FRMPD3: variants seen among roughly 807,000 people sequenced by gnomAD.
FRMPD3 encodes FERM and PDZ domain containing 3.
FRMPD3 carries 42 observed loss-of-function variants against 97.9 expected under a neutral mutation model. That is an observed-to-expected ratio of 0.43 (90% confidence interval 0.34 to 0.55). FRMPD3 has a LOEUF of 0.55. Among genes scored for constraint, FRMPD3 ranks in the 20% least tolerant of loss-of-function variants. FRMPD3 has a pLI of 0.03. For synonymous variants in FRMPD3, 577 were observed against 581.1 expected (o/e 0.99, Z 0.10); for missense variants, 1,303 against 1,457.7 (o/e 0.89, Z 1.73).
intron 1 of FRMPD3, among the ~76,000 whole-genome samples, chrX:107,500,673 T>C (rs955166065): frequency 3.6e-5 from 4 of 110,552 alleles, no homozygotes; most frequent in Admixed American, 9.6e-5. Flanking sequence ...CGGGCACCTG[T>C]AATCTCAGCT....
At chrX:107,556,474 TCTAA>T (rs1458477977) in intron 8 of FRMPD3, among the ~76,000 whole-genome samples, 1 of 111,435 alleles carries the variant, frequency 9.0e-6, no homozygotes, top group Admixed American at 9.5e-5. Flanking sequence ...TTTATTGAGG[TCTAA>T]CTGACAAAAG....
intron 8 of FRMPD3, 142 bp downstream of exon 8, chrX:107,554,646 C>A: frequency 1.3e-6 from 1 of 791,948 alleles, no homozygotes; most frequent in Non-Finnish European, 1.8e-6. Flanking sequence ...TTTCTGCTAC[C>A]ATCGTAGGCC....
rs1195851030 is a variant in FRMPD3 at position 107,603,778 on chromosome X, C to T, written c.*405C>T. ...CTTTGAGCTCCTCGTGGCATCGGCT[C>T]CCCTGCTGGGAGCAGTGGCAGTAGC... On this transcript the variant is annotated 3_prime_UTR_variant, in exon 15 of 15. Coordinates refer to ENST00000683843, the MANE Select transcript of FRMPD3 (RefSeq NM_001388459.1). 7.4e-6 allele frequency: 1 copy of T among 134,874 alleles called. No individual in the cohort carries two copies. 11.1% of individuals were successfully genotyped at this position (134,874 alleles called of 1,213,427 possible). A position where few individuals can be genotyped will look rare whatever the true frequency, so the allele number is the denominator to read the frequency against.
rs1197636981 is a variant in FRMPD3 at position 107,601,537 on chromosome X, A to C, written c.3498A>C (p.Gln1166His). The C allele has an allele frequency of 8.5e-7, 1 of 1,181,540 alleles. No individual in the cohort carries two copies. Among genetic ancestry groups the C allele is most frequent in the Non-Finnish European group, 1.1e-6 (1 of 881,565 alleles). ...SQSRGQSPSC[Q>H]PRGQSPLRSQ... ...CTCGAGGTCAGAGCCCCAGCTGCCA[A>C]CCTCGAGGCCAGAGCCCACTGAGGT... Residue 1166 changes from glutamine to histidine, a missense_variant, in exon 15 of 15, where the codon CAA becomes CAC. By Grantham distance (24) the Gln-to-His change is conservative. Transcript: ENST00000683843.
intron 1 of FRMPD3, among the ~76,000 whole-genome samples, chrX:107,499,152 T>C (rs1287104965): frequency 9.0e-6 from 1 of 111,249 alleles, no homozygotes; most frequent in African/African-American, 3.3e-5. Context: ...ACTCACATTC[T>C]AGTGGAAGGT....
chrX:107,463,339 T>C (rs1017611563), intron 1 of FRMPD3, among the ~76,000 whole-genome samples: 2 of 112,338 alleles, frequency 1.8e-5, no homozygotes, highest in African/African-American at 6.5e-5. Context: ...ATTTCTTCTT[T>C]GTTAGGGAAA....
chrX:107,546,460 C>G (rs776797346), intron 5 of FRMPD3, among the ~76,000 whole-genome samples: 1 of 112,061 alleles, frequency 8.9e-6, no homozygotes. Flanking sequence ...ACAAAATCTA[C>G]TACGGGGTGG....
Position 107,565,022 on chromosome X carries a change from A to G in FRMPD3, c.1252A>G (p.Asn418Asp). 8.3e-7 allele frequency: 1 copy of G among 1,203,444 alleles called. No individual in the cohort carries two copies. The highest frequency in any genetic ancestry group is 1.1e-6 in the Non-Finnish European group (1 of 891,607). The change falls in exon 12 of 15, where the codon AAC (asparagine) becomes GAC (aspartate). Residue 418 changes from asparagine (N) to aspartate (D), a missense_variant. Asn to Asp is a conservative substitution (Grantham distance 23, BLOSUM62 1). This residue lies in a region of FRMPD3 where 535 missense variants were observed against 618.6 expected (regional missense o/e 0.86). Transcript: ENST00000683843. ...KISKIQLFRE[N>D]QGVARVETSI... is the part of the protein sequence containing the mutation. ...CAGCAAGATCCAGCTGTTCCGGGAG[A>G]ACCAGGGCGTGGCCCGGGTGGAGAC...
intron 1 of FRMPD3, among the ~76,000 whole-genome samples, chrX:107,452,934 G>A (rs954459905): frequency 9.1e-6 from 1 of 109,858 alleles, no homozygotes; most frequent in Non-Finnish European, 1.9e-5. Flanking sequence ...GGTAACAGAG[G>A]AGTCTCGGGT....
At chrX:107,518,755 C>A (rs1661851343) in intron 1 of FRMPD3, among the ~76,000 whole-genome samples, 1 of 112,074 alleles carries the variant, frequency 8.9e-6, no homozygotes, top group African/African-American at 3.2e-5. Flanking sequence ...TGAAAGAATA[C>A]AGGGGCTGCA....
chrX:107,596,006 T>C (rs1924157343), intron 13 of FRMPD3, among the ~76,000 whole-genome samples: 1 of 111,376 alleles, frequency 9.0e-6, no homozygotes, highest in South Asian at 3.7e-4. Context: ...ACTACTGTTG[T>C]TGAATTGTGT....
chrX:107,569,294 CA>C (rs752263727), intron 12 of FRMPD3, among the ~76,000 whole-genome samples: 1,562 of 21,186 alleles, frequency 0.074, 16 homozygotes, highest in African/African-American at 0.15. Flanking sequence ...GACTCCATCT[CA>C]AAAAAAAAAA....
At position 107,548,946 on chromosome X, in the gene FRMPD3, A is replaced by G. The variant is rs149857647; in HGVS notation, c.403-1103A>G. Among the ~76,000 whole-genome samples the G allele has an allele frequency of 8.4e-3, 941 of 112,552 alleles. 10 individuals are homozygous for G. Among genetic ancestry groups the G allele is most frequent in the African/African-American group, 0.028 (880 of 31,063 alleles). The stretch of plus-strand genomic sequence containing the variant: ...AAAGACCAGGTCCAAGTATCTGATG[A>G]TATTAGACCAAGGCTTTACAGAATA... On this transcript the variant is annotated intron_variant, in intron 5 of 14. Coordinates refer to ENST00000683843, the MANE Select transcript of FRMPD3 (RefSeq NM_001388459.1).
At chrX:107,530,360 T>A (rs1922885297) in intron 2 of FRMPD3, 49 bp from the exon 3 acceptor site, 1 of 1,051,061 alleles carries the variant, frequency 9.5e-7, no homozygotes, top group East Asian at 3.3e-5. Context: ...GACCTGGACT[T>A]TCCCAGCAGT....
At chrX:107,479,653 G>A (rs1453600165) in intron 1 of FRMPD3, among the ~76,000 whole-genome samples, 3 of 110,363 alleles carry the variant, frequency 2.7e-5, no homozygotes, top group African/African-American at 9.9e-5. Context: ...TATAAATAGG[G>A]GCTGGGGGTG....
rs1243930377 is a variant in FRMPD3, at chrX:107,602,146, T to A, written c.4107T>A (p.Gly1369=). The A allele has an allele frequency of 8.3e-7, 1 of 1,210,570 alleles. No homozygotes were observed. Among genetic ancestry groups the A allele is most frequent in the Non-Finnish European group, 1.1e-6 (1 of 895,284 alleles). The change falls in exon 15 of 15, where the codon GGT becomes GGA. Residue 1369 remains glycine (G), a synonymous_variant. Coordinates refer to ENST00000683843, the MANE Select transcript of FRMPD3 (RefSeq NM_001388459.1). The stretch of plus-strand genomic sequence containing the variant: ...AGTGCCGATCGGACCCTGAGAGTGG[T>A]GTTTCGTGCCTGACCACGTGTGCCT... ...SRECRSDPES[G]VSCLTTCASG...
chrX:107,535,999 C>T (rs779168464), intron 4 of FRMPD3, among the ~76,000 whole-genome samples: 6 of 111,285 alleles, frequency 5.4e-5, no homozygotes, highest in African/African-American at 9.8e-5. Context: ...CTCACTTCAC[C>T]GCCTACACCC....
chrX:107,493,177 C>CAAAAAAA lies in FRMPD3; in HGVS notation c.-7-33388_-7-33382dup, dbSNP rs60695168. Among the ~76,000 whole-genome samples, 5 of 51,705 alleles carry CAAAAAAA rather than the reference C, an allele frequency of 9.7e-5. 1 individual carries two copies. The highest frequency in any genetic ancestry group is 3.1e-5 in the Non-Finnish European group (1 of 31,890). The allele number at this position is 51,705 out of a possible 115,157, so 44.9% of individuals were successfully genotyped here. A position where few individuals can be genotyped will look rare whatever the true frequency, so the allele number is the denominator to read the frequency against. Reference sequence around the variant, plus strand: ...CCTGGGTGACAAAGCGAGACCCTGTCAAAAAAAAAAAAAAAAAAAAAAAGA... The same window carrying CAAAAAAA: ...CCTGGGTGACAAAGCGAGACCCTGTCAAAAAAAAAAAAAAAAAAAAAAAAAAAAAAGA... On this transcript the variant is annotated intron_variant, in intron 1 of 14. Coordinates refer to ENST00000683843, the MANE Select transcript of FRMPD3 (RefSeq NM_001388459.1).
intron 1 of FRMPD3, among the ~76,000 whole-genome samples, chrX:107,476,051 T>G (rs1160750234): frequency 9.0e-6 from 1 of 111,385 alleles, no homozygotes; most frequent in African/African-American, 3.3e-5. Context: ...GCCTGGCTAA[T>G]TTTTTGCATT....
Sources: gnomAD v4.1 joint callset for allele counts (sites outside exome capture counted in the v4.1 genomes callset) on GRCh38, gnomAD v4.1.1 for gene constraint, gnomAD v4.1.1 regional missense constraint, MANE v1.5 for transcripts, NCBI Gene and HGNC (gene_info 2026-07-23, HGNC 2026-07-21) for gene names.